CA10: variants seen among roughly 807,000 people sequenced by gnomAD.
CA10 encodes the protein carbonic anhydrase-related protein 10.
In CA10, 14 loss-of-function variants were observed where a neutral mutation model predicts 44.2. The observed-to-expected ratio is 0.32, with a 90% confidence interval of 0.21 to 0.50. The LOEUF is 0.50. CA10 is among the 20% of genes least tolerant of loss of function. The pLI is 0.99. For missense variants in CA10, 350 were observed against 409.7 expected, an observed-to-expected ratio of 0.85 and a Z score of 1.26; for synonymous variants, 159 against 141.6, an observed-to-expected ratio of 1.12 and a Z score of -0.87.
At chr17:52,118,676 A>C (rs568932783) in intron 1 of CA10, among the ~76,000 whole-genome samples, 115 of 152,148 alleles carry the variant, frequency 7.6e-4, no homozygotes, top group Non-Finnish European at 1.1e-3. Flanking sequence ...ATATTCCAAA[A>C]TTGTATGGGA....
At chr17:51,854,867 T>C (rs1175170746) in intron 3 of CA10, among the ~76,000 whole-genome samples, 1 of 152,180 alleles carries the variant, frequency 6.6e-6, no homozygotes, top group East Asian at 1.9e-4. Flanking sequence ...CAGTGCTTTA[T>C]CCAGCTCAGC....
At chr17:52,110,292 G>A (rs909306758) in intron 1 of CA10, among the ~76,000 whole-genome samples, 5 of 152,130 alleles carry the variant, frequency 3.3e-5, no homozygotes, top group Non-Finnish European at 5.9e-5. Flanking sequence ...GTATGATCAC[G>A]TGCCTTACTT....
At chr17:51,730,711 A>C (rs1451914589) in intron 4 of CA10, among the ~76,000 whole-genome samples, 1 of 152,224 alleles carries the variant, frequency 6.6e-6, no homozygotes, top group South Asian at 2.1e-4. Context: ...AAAATTAAAT[A>C]ATATAACCTG....
intron 2 of CA10, among the ~76,000 whole-genome samples, chr17:51,996,811 TGA>T (rs1985253060): frequency 6.6e-6 from 1 of 151,870 alleles, no homozygotes; most frequent in African/African-American, 2.4e-5. Flanking sequence ...GTACCCCAAA[TGA>T]GAGCAAAAAC....
intron 4 of CA10, among the ~76,000 whole-genome samples, chr17:51,709,297 G>T (rs189279573): frequency 2.0e-5 from 3 of 152,286 alleles, no homozygotes; most frequent in Admixed American, 2.0e-4. Flanking sequence ...AAATAGAAAA[G>T]ATAACTTCAG....
At chr17:51,985,463 C>T (rs1254982396) in intron 2 of CA10, among the ~76,000 whole-genome samples, 1 of 151,968 alleles carries the variant, frequency 6.6e-6, no homozygotes, top group East Asian at 1.9e-4. Context: ...GACAAGGATG[C>T]CCACTCTCAC....
intron 1 of CA10, among the ~76,000 whole-genome samples, chr17:52,110,741 C>A (rs1988771949): frequency 6.6e-6 from 1 of 152,130 alleles, no homozygotes. Flanking sequence ...TTTCTATCCT[C>A]CCCCCATTCA....
At chr17:52,038,962 G>C (rs532712925) in intron 2 of CA10, among the ~76,000 whole-genome samples, 26 of 152,074 alleles carry the variant, frequency 1.7e-4, no homozygotes, top group Non-Finnish European at 3.5e-4. Context: ...GGGTCAGAAG[G>C]CCTGTTATTT....
At chr17:51,879,844 T>C (rs918110463) in intron 3 of CA10, among the ~76,000 whole-genome samples, 9 of 152,236 alleles carry the variant, frequency 5.9e-5, no homozygotes, top group Admixed American at 2.0e-4. Flanking sequence ...CATGTGTCCG[T>C]GAGTGAACTT....
Position 51,898,252 on chromosome 17 carries a change from T to C in CA10, c.279+32738A>G, listed in dbSNP as rs544945766. On this transcript the variant is annotated intron_variant, in intron 3 of 8. Transcript: ENST00000451037. ...TAAAATATGTTTTCACAGTGTCTGGTTTGTTGTTTTTTTAAAATGTTGAAT... is the reference window on the plus strand; with the variant it reads ...TAAAATATGTTTTCACAGTGTCTGGCTTGTTGTTTTTTTAAAATGTTGAAT... 2.0e-5 allele frequency among the ~76,000 whole-genome samples: 3 copies of C among 151,990 alleles called. No individual in the cohort carries two copies. The South Asian group carries it at 6.2e-4, about 32-fold the overall frequency.
rs184792378 is a variant in CA10 at position 52,021,860 on chromosome 17, T to C, written c.136+50459A>G. On this transcript the variant is annotated intron_variant, in intron 2 of 8. Transcript: ENST00000451037. Reference sequence around the variant, plus strand: ...CTTCAAATATTCAATCAGGAAGAAATAGAAACCCTGAACAGAACAATAACA... The same window carrying C: ...CTTCAAATATTCAATCAGGAAGAAACAGAAACCCTGAACAGAACAATAACA... Among the ~76,000 whole-genome samples, 190 of 151,966 alleles carry C rather than the reference T, an allele frequency of 1.3e-3. 5 individuals are homozygous for C. The South Asian group carries it at 0.022, about 17-fold the overall frequency.
At chr17:51,940,757 G>A (rs1451633710) in intron 2 of CA10, among the ~76,000 whole-genome samples, 3 of 151,480 alleles carry the variant, frequency 2.0e-5, no homozygotes, top group East Asian at 3.9e-4. Flanking sequence ...GATTCCTTGT[G>A]TTCTTATAAC....
intron 2 of CA10, among the ~76,000 whole-genome samples, chr17:51,946,433 C>G (rs927457209): frequency 1.3e-5 from 2 of 152,130 alleles, no homozygotes; most frequent in Non-Finnish European, 2.9e-5. Flanking sequence ...CTCCTCATTG[C>G]CACTGGTGCA....
intron 2 of CA10, among the ~76,000 whole-genome samples, chr17:52,071,123 G>A (rs1426619639): frequency 6.6e-6 from 1 of 152,088 alleles, no homozygotes; most frequent in Non-Finnish European, 1.5e-5. Flanking sequence ...AACATAGCTT[G>A]TGCCAATGAA....
At chr17:51,897,372 T>C (rs1981116989) in intron 3 of CA10, among the ~76,000 whole-genome samples, 1 of 152,058 alleles carries the variant, frequency 6.6e-6, no homozygotes, top group Non-Finnish European at 1.5e-5. Flanking sequence ...GATCAGATGG[T>C]TGTAGGTGTG....
chr17:52,073,416 T>C lies in CA10; in HGVS notation c.62-1023A>G, dbSNP rs1482871191. ...CTGTTTAGCTTCAAGTCTCTTCTTA[T>C]AGTATAGTGAAGATACTTTTTCTTC... On this transcript the variant is annotated intron_variant, in intron 1 of 8. Transcript: ENST00000451037. Among the ~76,000 whole-genome samples, 5 of 152,276 alleles carry C rather than the reference T, an allele frequency of 3.3e-5. No homozygotes were observed. In the East Asian group the frequency reaches 7.7e-4, roughly 24 times the overall value.
intron 4 of CA10, chr17:51,661,910 C>T (rs928311011): frequency 6.6e-6 from 1 of 152,206 alleles, no homozygotes; most frequent in Non-Finnish European, 1.5e-5. Flanking sequence ...GTCACAACTA[C>T]TCAATTCTGC....
At chr17:51,783,911 G>A (rs1906154275) in intron 3 of CA10, among the ~76,000 whole-genome samples, 1 of 152,090 alleles carries the variant, frequency 6.6e-6, no homozygotes, top group Non-Finnish European at 1.5e-5. Flanking sequence ...CTGTGTAGGA[G>A]CAAGGCTGGA....
chr17:52,028,915 G>A (rs540579454), intron 2 of CA10, among the ~76,000 whole-genome samples: 1 of 152,134 alleles, frequency 6.6e-6, no homozygotes, highest in East Asian at 1.9e-4. Context: ...CATAGCTTAC[G>A]CTAAAACTCT....
Sources: gnomAD v4.1 joint callset for allele counts (sites outside exome capture counted in the v4.1 genomes callset) on GRCh38, gnomAD v4.1.1 for gene constraint, MANE v1.5 for transcripts, NCBI Gene and HGNC (gene_info 2026-07-23, HGNC 2026-07-21) for gene names.